The following VPS8 variants were observed in gnomAD, a reference collection of about 807,000 sequenced individuals.
VPS8 encodes VPS8 subunit of CORVET complex.
VPS8 carries 129 observed loss-of-function variants against 216.4 expected under a neutral mutation model. The ratio of observed to expected loss-of-function variants is 0.60; its 90% confidence interval spans 0.52 to 0.69. The LOEUF (loss-of-function observed/expected upper bound fraction) is 0.69, where lower values mean the gene tolerates loss of function less well. Among genes scored for constraint, VPS8 ranks in the 30% least tolerant of loss-of-function variants. The pLI is 0.00. For synonymous variants in VPS8, 571 were observed against 565.4 expected (o/e 1.01, Z -0.14); for missense variants, 1,531 against 1,683.5 (o/e 0.91, Z 1.59).
At chr3:184,998,551 A>C in intron 44 of VPS8, among the ~76,000 whole-genome samples, 1 of 130,108 alleles carries the variant, frequency 7.7e-6, no homozygotes, top group African/African-American at 2.7e-5. Flanking sequence ...CGAGAGAGAG[A>C]GAGAGAAGGG....
chr3:184,980,264 T>C lies in VPS8; in HGVS notation c.3421-2302T>C, dbSNP rs112325966. Among the ~76,000 whole-genome samples, 480 of 152,176 alleles carry C rather than the reference T, an allele frequency of 3.2e-3. 2 individuals are homozygous for C. The highest frequency in any genetic ancestry group is 0.011 in the African/African-American group (447 of 41,520). ...ACCTTGGAGATCTGATGACCATGTG[T>C]CTCGGTAATGGTCATCTTGTATAAT... is the stretch of plus-strand genomic sequence containing the variant. On this transcript the variant is annotated intron_variant, in intron 40 of 47. Transcript: ENST00000625842.
At chr3:184,823,122 A>G (rs1458552767) in intron 1 of VPS8, among the ~76,000 whole-genome samples, 1 of 152,248 alleles carries the variant, frequency 6.6e-6, no homozygotes, top group East Asian at 1.9e-4. Flanking sequence ...TGAATTAATT[A>G]TAGGTACTAA....
chr3:184,987,436 C>A (rs532804309), intron 42 of VPS8, among the ~76,000 whole-genome samples: 1 of 152,000 alleles, frequency 6.6e-6, no homozygotes, highest in East Asian at 1.9e-4. Flanking sequence ...TTTAACTGTC[C>A]CTATAGTTTT....
Position 184,999,148 on chromosome 3 carries a change from C to G in VPS8, c.3837-548C>G, listed in dbSNP as rs750438858. Among the ~76,000 whole-genome samples the G allele has an allele frequency of 5.5e-4, 83 of 152,160 alleles. 1 individual carries two copies. The highest frequency in any genetic ancestry group is 9.7e-4 in the Non-Finnish European group (66 of 68,030). On this transcript the variant is annotated intron_variant, in intron 44 of 47. Transcript: ENST00000625842. ...TCTTGGCTCACTGCAACCTCCGCCTCCCGGGTTGAAGCAATTCTTCTGCCT... is the reference window on the plus strand; with the variant it reads ...TCTTGGCTCACTGCAACCTCCGCCTGCCGGGTTGAAGCAATTCTTCTGCCT...
At chr3:184,895,367 A>G (rs1733189188) in intron 23 of VPS8, among the ~76,000 whole-genome samples, 1 of 152,056 alleles carries the variant, frequency 6.6e-6, no homozygotes, top group African/African-American at 2.4e-5. Flanking sequence ...AAGAGCTGGT[A>G]TGTATGTCCA....
chr3:184,847,838 A>T (rs2108637720), intron 8 of VPS8, among the ~76,000 whole-genome samples: 1 of 152,326 alleles, frequency 6.6e-6, no homozygotes, highest in East Asian at 1.9e-4. Context: ...TTAAGGCAAG[A>T]TCCTCGCCCT....
chr3:184,954,131 A>T (rs1231112599), intron 36 of VPS8, among the ~76,000 whole-genome samples: 1 of 152,192 alleles, frequency 6.6e-6, no homozygotes, highest in Non-Finnish European at 1.5e-5. Flanking sequence ...ATAATAAAGG[A>T]TATTACAAAG....
intron 45 of VPS8, among the ~76,000 whole-genome samples, chr3:185,003,558 T>A (rs879375014): frequency 0.012 from 1,753 of 151,376 alleles, 10 homozygotes; most frequent in Non-Finnish European, 0.018. Context: ...TACTTCTTTC[T>A]ACACAGACAC....
intron 37 of VPS8, among the ~76,000 whole-genome samples, chr3:184,960,607 A>G (rs749916373): frequency 2.0e-5 from 3 of 152,192 alleles, no homozygotes; most frequent in Non-Finnish European, 4.4e-5. Flanking sequence ...AGTGTTTCCC[A>G]TATAATTTAG....
chr3:184,816,237 A>G (rs1716299189), intron 1 of VPS8: 1 of 152,164 alleles, frequency 6.6e-6, no homozygotes, highest in Non-Finnish European at 1.5e-5. Context: ...CATTATCTAG[A>G]TATTTGTAGA....
chr3:184,859,466 T>C (rs1416260611), intron 14 of VPS8, among the ~76,000 whole-genome samples: 4 of 152,224 alleles, frequency 2.6e-5, no homozygotes, highest in African/African-American at 7.2e-5. Context: ...AGACATGTTA[T>C]AACAAGTTAG....
chr3:184,845,558 G>T (rs1045356914), intron 8 of VPS8, among the ~76,000 whole-genome samples: 1 of 152,006 alleles, frequency 6.6e-6, no homozygotes, highest in African/African-American at 2.4e-5. Flanking sequence ...TCGGGAGTTC[G>T]AGACCAGTCT....
intron 42 of VPS8, among the ~76,000 whole-genome samples, chr3:184,993,729 T>C (rs761926522): frequency 6.6e-6 from 1 of 152,154 alleles, no homozygotes; most frequent in Admixed American, 6.5e-5. Context: ...AGAAACAAAA[T>C]AAAAGTAAAG....
intron 4 of VPS8, among the ~76,000 whole-genome samples, chr3:184,833,106 G>A (rs185507662): frequency 8.5e-5 from 13 of 152,228 alleles, no homozygotes; most frequent in African/African-American, 3.1e-4. Flanking sequence ...CAGTGTCTGT[G>A]GTGGAAACAT....
chr3:184,962,461 C>G (rs1308785813), intron 37 of VPS8, among the ~76,000 whole-genome samples: 1 of 152,174 alleles, frequency 6.6e-6, no homozygotes, highest in Admixed American at 6.5e-5. Flanking sequence ...AGTGATTACT[C>G]ATGACATTAA....
chr3:184,882,181 C>CTATTATTA (rs894300156), intron 21 of VPS8, among the ~76,000 whole-genome samples: 4 of 152,016 alleles, frequency 2.6e-5, no homozygotes, highest in Non-Finnish European at 5.9e-5. Context: ...TGATTTTTCA[C>CTATTATTA]TATGAAGTAT....
At chr3:184,929,703 A>G (rs1358909913) in intron 33 of VPS8, 39 bp downstream of exon 33, 1 of 1,255,032 alleles carries the variant, frequency 8.0e-7, no homozygotes, top group African/African-American at 1.6e-5. Context: ...TTCTTACTCA[A>G]CTTTCCCTCT....
intron 3 of VPS8, among the ~76,000 whole-genome samples, chr3:184,832,073 G>A (rs542374555): frequency 6.6e-6 from 1 of 152,304 alleles, no homozygotes; most frequent in South Asian, 2.1e-4. Context: ...CATGGGCCCT[G>A]CTGCCATCTA....
chr3:185,004,363 G>A (rs1426740709), intron 45 of VPS8, among the ~76,000 whole-genome samples: 3 of 151,836 alleles, frequency 2.0e-5, no homozygotes, highest in Non-Finnish European at 2.9e-5. Context: ...GCCCGCAATC[G>A]CAGGCACTCG....
Sources: allele counts gnomAD v4.1 joint callset (sites outside exome capture counted in the v4.1 genomes callset), GRCh38; gene constraint gnomAD v4.1.1; transcripts MANE v1.5; gene names NCBI Gene and HGNC (gene_info 2026-07-23, HGNC 2026-07-21).